The following CENPW variants were observed in gnomAD, a reference collection of about 807,000 sequenced individuals.
The protein encoded by CENPW is cancer-up-regulated gene 2 protein.
In CENPW, 3 loss-of-function variants were observed where a neutral mutation model predicts 11.1. That is an observed-to-expected ratio of 0.27 (90% CI 0.12 to 0.70). The LOEUF (loss-of-function observed/expected upper bound fraction) is 0.70, where lower values mean the gene tolerates loss of function less well. CENPW is among the 30% of genes least tolerant of loss of function. The pLI is 0.77. For synonymous variants in CENPW, 38 were observed against 42.0 expected, an observed-to-expected ratio of 0.91 and a Z score of 0.37; for missense variants, 100 against 105.6, an observed-to-expected ratio of 0.95 and a Z score of 0.23.
the CENPW span, among the ~76,000 whole-genome samples, chr6:126,458,053 C>T: frequency 6.6e-6 from 1 of 151,296 alleles, no homozygotes; most frequent in Non-Finnish European, 1.5e-5. Flanking sequence ...TATCATCTCA[C>T]TGTCTTCTAT....
chr6:126,344,234 A>G (rs1043901097), intron 1 of CENPW, among the ~76,000 whole-genome samples: 1 of 152,222 alleles, frequency 6.6e-6, no homozygotes, highest in Non-Finnish European at 1.5e-5. Context: ...ATGCAGTGAT[A>G]GAAAGTTCAG....
the CENPW span, among the ~76,000 whole-genome samples, chr6:126,359,870 T>G: frequency 1.3e-5 from 2 of 152,114 alleles, no homozygotes; most frequent in Non-Finnish European, 2.9e-5. Flanking sequence ...TAGTTGGGTC[T>G]TGTCATTTTA....
chr6:126,383,153 G>T, the CENPW span, among the ~76,000 whole-genome samples: 4 of 152,128 alleles, frequency 2.6e-5, no homozygotes, highest in Admixed American at 2.0e-4. Flanking sequence ...TTCCAACCAA[G>T]AATTTTATAT....
chr6:126,374,749 A>C, the CENPW span, among the ~76,000 whole-genome samples: 2 of 152,162 alleles, frequency 1.3e-5, no homozygotes, highest in African/African-American at 4.8e-5. Context: ...TTTAAAGTCA[A>C]CTCCAAGTAT....
At chr6:126,441,160 A>T in the CENPW span, among the ~76,000 whole-genome samples, 1 of 151,448 alleles carries the variant, frequency 6.6e-6, no homozygotes, top group Non-Finnish European at 1.5e-5. Context: ...GTCAGCTGGC[A>T]ATCCTGATAG....
At chr6:126,463,776 C>A in the CENPW span, among the ~76,000 whole-genome samples, 1 of 151,972 alleles carries the variant, frequency 6.6e-6, no homozygotes, top group Non-Finnish European at 1.5e-5. Context: ...AGCCCTATAC[C>A]TATTACACAA....
chr6:126,462,368 G>A, the CENPW span, among the ~76,000 whole-genome samples: 3 of 151,530 alleles, frequency 2.0e-5, no homozygotes, highest in Non-Finnish European at 2.9e-5. Context: ...TCAAGATACA[G>A]TTTAGTGATT....
the CENPW span, among the ~76,000 whole-genome samples, chr6:126,459,294 T>A: frequency 6.6e-6 from 1 of 151,408 alleles, no homozygotes; most frequent in East Asian, 1.9e-4. Flanking sequence ...GAATAGAAAC[T>A]TTGCTAGAGA....
At chr6:126,454,663 TGAGA>T in the CENPW span, among the ~76,000 whole-genome samples, 1 of 150,730 alleles carries the variant, frequency 6.6e-6, no homozygotes, top group Non-Finnish European at 1.5e-5. Context: ...CCTACAGGAA[TGAGA>T]GAAACAAGAG....
chr6:126,373,038 A>G, the CENPW span, among the ~76,000 whole-genome samples: 2 of 152,196 alleles, frequency 1.3e-5, no homozygotes, highest in Non-Finnish European at 1.5e-5. Context: ...TTTATATTAT[A>G]GTTGAATAAC....
chr6:126,381,410 A>G, the CENPW span, among the ~76,000 whole-genome samples: 1 of 152,002 alleles, frequency 6.6e-6, no homozygotes, highest in Non-Finnish European at 1.5e-5. Flanking sequence ...CTTTTATTAA[A>G]CTATATGTGA....
chr6:126,435,580 T>A, the CENPW span, among the ~76,000 whole-genome samples: 1 of 151,950 alleles, frequency 6.6e-6, no homozygotes, highest in Non-Finnish European at 1.5e-5. Context: ...AATTTAAGGC[T>A]CATATCCTGC....
chr6:126,463,867 G>T, the CENPW span, among the ~76,000 whole-genome samples: 3 of 151,928 alleles, frequency 2.0e-5, no homozygotes, highest in Non-Finnish European at 4.4e-5. Context: ...AACATTTAAG[G>T]AAGAAATAGT....
the CENPW span, among the ~76,000 whole-genome samples, chr6:126,376,531 C>A: frequency 6.6e-6 from 1 of 152,116 alleles, no homozygotes; most frequent in Non-Finnish European, 1.5e-5. Context: ...ACTCAGGAGG[C>A]AGCTAGATCC....
chr6:126,472,447 C>T, the CENPW span, among the ~76,000 whole-genome samples: 1 of 152,150 alleles, frequency 6.6e-6, no homozygotes, highest in Admixed American at 6.6e-5. Context: ...TTTTACTCTG[C>T]ATAATGAATT....
At chr6:126,479,149 C>G in the CENPW span, among the ~76,000 whole-genome samples, 2 of 151,988 alleles carry the variant, frequency 1.3e-5, no homozygotes, top group African/African-American at 2.4e-5. Context: ...GAACTATAGT[C>G]TGTTCTTTCA....
chr6:126,409,254 A>T, the CENPW span, among the ~76,000 whole-genome samples: 1 of 152,268 alleles, frequency 6.6e-6, no homozygotes, highest in South Asian at 2.1e-4. Context: ...CTCATTATTG[A>T]TTTCAGTTTT....
chr6:126,445,849 T>C, the CENPW span, among the ~76,000 whole-genome samples: 1 of 151,242 alleles, frequency 6.6e-6, no homozygotes, highest in African/African-American at 2.4e-5. Context: ...TTTGCTTTTA[T>C]CCTAAATGTT....
chr6:126,390,337 G>T, the CENPW span, among the ~76,000 whole-genome samples: 1 of 151,820 alleles, frequency 6.6e-6, no homozygotes, highest in Non-Finnish European at 1.5e-5. Context: ...TTGAATTTTT[G>T]TGGGTACATA....
Sources: gnomAD v4.1 joint callset for allele counts (sites outside exome capture counted in the v4.1 genomes callset) on GRCh38, gnomAD v4.1.1 for gene constraint, MANE v1.5 for transcripts, NCBI Gene and HGNC (gene_info 2026-07-23, HGNC 2026-07-21) for gene names.